Variants in LRRC4C observed in about 807,000 individuals in gnomAD.
LRRC4C encodes leucine-rich repeat-containing protein 4C.
A neutral mutation model predicts 33.6 loss-of-function variants in LRRC4C; 5 were observed. That is an observed-to-expected ratio of 0.15 (90% confidence interval 0.08 to 0.31). The LOEUF (loss-of-function observed/expected upper bound fraction) is 0.31, where lower values mean the gene tolerates loss of function less well. LRRC4C is among the 10% of genes least tolerant of loss of function. The pLI is 1.00. For synonymous variants in LRRC4C, 329 were observed against 302.0 expected (o/e 1.09, Z -0.93); for missense variants, 560 against 796.7 (o/e 0.70, Z 3.58).
chr11:40,282,933 G>A (rs996952978), intron 4 of LRRC4C, among the ~76,000 whole-genome samples: 1 of 152,246 alleles, frequency 6.6e-6, no homozygotes, highest in Admixed American at 6.5e-5. Flanking sequence ...CTTTTATTAG[G>A]GAGATATTTT....
intron 3 of LRRC4C, among the ~76,000 whole-genome samples, chr11:40,639,220 T>A (rs1591345071): frequency 6.6e-6 from 1 of 151,824 alleles, no homozygotes; most frequent in Admixed American, 6.6e-5. Flanking sequence ...TTAGCAAATA[T>A]AATATCATGT....
chr11:41,229,356 T>A lies in LRRC4C; in HGVS notation c.-496+230075A>T, dbSNP rs142540168. 1.4e-3 allele frequency among the ~76,000 whole-genome samples: 211 copies of A among 152,220 alleles called. 1 individual carries two copies. Among genetic ancestry groups the A allele is most frequent in the African/African-American group, 4.4e-3 (184 of 41,556 alleles). ...GATCTTAGACTTCTAGTTCCAGAAC[T>A]GTGAGAAAATAACTTTCTGTTCTTC... On this transcript the variant is annotated intron_variant, in intron 1 of 6. Transcript: ENST00000528697.
intron 4 of LRRC4C, among the ~76,000 whole-genome samples, chr11:40,255,837 A>G (rs995505822): frequency 6.6e-6 from 1 of 152,224 alleles, no homozygotes; most frequent in Non-Finnish European, 1.5e-5. Flanking sequence ...TGCCAACTTC[A>G]CTTATCTGGG....
intron 4 of LRRC4C, among the ~76,000 whole-genome samples, chr11:40,295,798 T>G (rs1944483595): frequency 6.6e-6 from 1 of 152,220 alleles, no homozygotes; most frequent in South Asian, 2.1e-4. Context: ...GTTAATGGCA[T>G]TGCTTCTATT....
At chr11:40,689,668 T>C (rs907053072) in intron 2 of LRRC4C, among the ~76,000 whole-genome samples, 4 of 152,080 alleles carry the variant, frequency 2.6e-5, no homozygotes, top group African/African-American at 9.7e-5. Flanking sequence ...CTGTCTTTCA[T>C]TTATCACCAA....
Position 40,519,607 on chromosome 11 carries a change from A to G in LRRC4C, c.-270+128535T>C, listed in dbSNP as rs73465374. Among the ~76,000 whole-genome samples, 74 of 152,238 alleles carry G rather than the reference A, an allele frequency of 4.9e-4. 2 individuals are homozygous for G. The highest frequency in any genetic ancestry group is 3.4e-3 in the Middle Eastern group (1 of 294). On this transcript the variant is annotated intron_variant, in intron 3 of 6. Coordinates refer to ENST00000528697, the MANE Select transcript of LRRC4C (RefSeq NM_001258419.2). ...AATGTTGTGGCTGATTTTATCTTCT[A>G]TTTAGATGACTAACTGTCTTCATAT...
At chr11:40,478,076 C>T (rs1953338806) in intron 3 of LRRC4C, among the ~76,000 whole-genome samples, 1 of 152,148 alleles carries the variant, frequency 6.6e-6, no homozygotes, top group African/African-American at 2.4e-5. Context: ...GATTGTGAGG[C>T]CTTTCCAGCC....
intron 5 of LRRC4C, among the ~76,000 whole-genome samples, chr11:40,155,296 G>C (rs768638454): frequency 6.6e-6 from 1 of 151,578 alleles, no homozygotes; most frequent in African/African-American, 2.4e-5. Flanking sequence ...CACACCTCAA[G>C]AAACTAGAAA....
At chr11:40,264,331 TA>T (rs1275329868) in intron 4 of LRRC4C, among the ~76,000 whole-genome samples, 4 of 152,220 alleles carry the variant, frequency 2.6e-5, no homozygotes, top group East Asian at 1.9e-4. Flanking sequence ...GTTGCTGGGT[TA>T]AAAAAAATTT....
At chr11:40,911,445 T>A (rs1052275710) in intron 2 of LRRC4C, among the ~76,000 whole-genome samples, 1 of 151,994 alleles carries the variant, frequency 6.6e-6, no homozygotes, top group Non-Finnish European at 1.5e-5. Context: ...GGGTCTGGAG[T>A]GGACCTCCGG....
chr11:41,359,236 G>GA (rs1952264389), intron 1 of LRRC4C, among the ~76,000 whole-genome samples: 1 of 152,134 alleles, frequency 6.6e-6, no homozygotes, highest in African/African-American at 2.4e-5. Context: ...TCAGAGTGGT[G>GA]AAAAATATTG....
At chr11:40,842,701 A>C (rs1952966042) in intron 2 of LRRC4C, among the ~76,000 whole-genome samples, 1 of 152,128 alleles carries the variant, frequency 6.6e-6, no homozygotes, top group African/African-American at 2.4e-5. Context: ...TTAACTCCAT[A>C]ATTGATCAAA....
intron 3 of LRRC4C, among the ~76,000 whole-genome samples, chr11:40,487,105 A>G (rs1953902894): frequency 6.6e-6 from 1 of 152,060 alleles, no homozygotes; most frequent in East Asian, 1.9e-4. Context: ...TACGAACTTG[A>G]TGGCTGAAGC....
At chr11:41,259,166 T>C (rs1160429816) in intron 1 of LRRC4C, among the ~76,000 whole-genome samples, 1 of 151,998 alleles carries the variant, frequency 6.6e-6, no homozygotes, top group African/African-American at 2.4e-5. Flanking sequence ...AAAAGTCTGG[T>C]GAGTTCGAAC....
intron 4 of LRRC4C, among the ~76,000 whole-genome samples, chr11:40,266,126 C>T (rs778215334): frequency 6.6e-6 from 1 of 151,942 alleles, no homozygotes; most frequent in East Asian, 1.9e-4. Context: ...GGCAAAACCA[C>T]ATCTCTACAA....
At chr11:40,905,692 T>G (rs1277084814) in intron 2 of LRRC4C, among the ~76,000 whole-genome samples, 1 of 152,198 alleles carries the variant, frequency 6.6e-6, no homozygotes, top group Admixed American at 6.5e-5. Flanking sequence ...TTGCTCCTGT[T>G]TCCCAGGTGG....
chr11:40,586,883 T>G (rs1410268046), intron 3 of LRRC4C, among the ~76,000 whole-genome samples: 4 of 152,200 alleles, frequency 2.6e-5, no homozygotes, highest in South Asian at 4.1e-4. Flanking sequence ...TGTAGCCTTG[T>G]AGTATAGTTT....
At chr11:41,336,219 T>C (rs1297692953) in intron 1 of LRRC4C, among the ~76,000 whole-genome samples, 1 of 151,954 alleles carries the variant, frequency 6.6e-6, no homozygotes, top group African/African-American at 2.4e-5. Context: ...TAAAAGATGA[T>C]TCACTATGAA....
chr11:40,921,794 G>C (rs1260380274), intron 2 of LRRC4C, among the ~76,000 whole-genome samples: 15 of 152,054 alleles, frequency 9.9e-5, no homozygotes, highest in Admixed American at 9.2e-4. Flanking sequence ...CACTAAATTT[G>C]TGATAATTTG....
Sources: gnomAD v4.1 joint callset for allele counts (sites outside exome capture counted in the v4.1 genomes callset) on GRCh38, gnomAD v4.1.1 for gene constraint, MANE v1.5 for transcripts, NCBI Gene and HGNC (gene_info 2026-07-23, HGNC 2026-07-21) for gene names.